C2CD2L: variants seen among roughly 807,000 people sequenced by gnomAD.
C2CD2L encodes the protein C2CD2 like.
Under a neutral mutation model 69.9 loss-of-function variants are expected in C2CD2L, and 24 were observed. The observed-to-expected ratio is 0.34, with a 90% CI of 0.25 to 0.48. The LOEUF is 0.48. C2CD2L is among the 20% of genes least tolerant of loss of function. C2CD2L has a pLI of 0.99. For synonymous variants in C2CD2L, 367 were observed against 391.0 expected (o/e 0.94, Z 0.72); for missense variants, 811 against 941.5 (o/e 0.86, Z 1.81).
At chr11:119,103,495 G>A (rs113423970), upstream of C2CD2L, among the ~76,000 whole-genome samples, 2 of 152,168 alleles carry the variant, frequency 1.3e-5, no homozygotes, top group African/African-American at 4.8e-5. Context: ...TCAGGAGTTC[G>A]AGACCAGCCT....
intron 1 of C2CD2L, among the ~76,000 whole-genome samples, chr11:119,108,954 G>A (rs938948420): frequency 6.6e-6 from 1 of 152,176 alleles, no homozygotes; most frequent in African/African-American, 2.4e-5. Context: ...AAACAGAAAT[G>A]TCCACAAGAA....
chr11:119,103,262 G>C (rs1946537944), upstream of C2CD2L, among the ~76,000 whole-genome samples: 1 of 152,212 alleles, frequency 6.6e-6, no homozygotes, highest in African/African-American at 2.4e-5. Context: ...CCATTTGTCA[G>C]AGAGGAAGTC....
At position 119,114,420 on chromosome 11, in the gene C2CD2L, A is replaced by C. The variant is rs1043163201; in HGVS notation, c.1909+55A>C. 13 of 1,549,766 alleles carry C rather than the reference A, an allele frequency of 8.4e-6. No individual in the cohort carries two copies. The Admixed American group carries it at 2.2e-4, about 26-fold the overall frequency. On this transcript the variant is annotated intron_variant, in intron 13 of 13. Transcript: ENST00000648610. The surrounding 1 kb of genome is among the most constrained non-coding windows in gnomAD (Gnocchi z 5.1). ...TCTCTTCTTTTATACACATATCATG[A>C]CCTGGGGGACCTCGAGCCAGTGTGC...
At position 119,116,379 on chromosome 11, in the gene C2CD2L, AC is replaced by A. The variant is rs1217360662; in HGVS notation, c.*126del. 3 of 775,950 alleles carry A rather than the reference AC, an allele frequency of 3.9e-6. No individual in the cohort carries two copies. The highest frequency in any genetic ancestry group is 6.2e-6 in the Non-Finnish European group (3 of 480,574). 48.1% of individuals were successfully genotyped at this position (775,950 alleles called of 1,614,324 possible). A position where few individuals can be genotyped will look rare whatever the true frequency, so the allele number is the denominator to read the frequency against. ...CTCTGGGTTCCGGGAAGCCCCGTCCACCCTGGGCCATGGGGCCGGTTGGAAG... is the reference window on the plus strand; with the variant it reads ...CTCTGGGTTCCGGGAAGCCCCGTCCACCTGGGCCATGGGGCCGGTTGGAAG... On this transcript the variant is annotated 3_prime_UTR_variant, in exon 14 of 14. Transcript: ENST00000648610.
rs747795681 is a variant in C2CD2L at position 119,110,626 on chromosome 11, C to T, written c.516C>T (p.Pro172=). The change falls in exon 3 of 14, where the codon CCC becomes CCT. Residue 172 remains proline, a synonymous_variant. Transcript: ENST00000648610. This position sits in a 1 kb window ranked among gnomAD's most constrained non-coding sequence, Gnocchi z 5.7. ...RFPVSVTQQS[P]AAVSMETYHV... ...CAGTCTCTGTGACCCAGCAGTCCCC[C>T]GCTGCCGTCTCCATGGAGACCTACC... 1.2e-4 allele frequency: 195 copies of T among 1,612,780 alleles called. No individual in the cohort carries two copies. The highest frequency in any genetic ancestry group is 6.9e-4 in the Middle Eastern group (4 of 5,810).
intron 6 of C2CD2L, 72 bp downstream of exon 6, chr11:119,111,446 A>C: frequency 6.3e-7 from 1 of 1,594,622 alleles, no homozygotes; most frequent in Non-Finnish European, 8.6e-7. Context: ...CCCTCTGCCA[A>C]GGGTACAGCC....
At position 119,110,893 on chromosome 11, in the gene C2CD2L, C is replaced by T. The variant is rs1333792707; in HGVS notation, c.617C>T (p.Ser206Phe). 10 of 1,614,164 alleles carry T rather than the reference C, an allele frequency of 6.2e-6. No homozygotes were observed. The East Asian group carries it at 2.0e-4, about 32-fold the overall frequency. Residue 206 changes from serine (S) to phenylalanine (F), a missense_variant, in exon 4 of 14, where the codon TCC becomes TTC. Ser to Phe is a radical substitution (Grantham distance 155). Coordinates refer to ENST00000648610, the MANE Select transcript of C2CD2L (RefSeq NM_001290474.2). The surrounding 1 kb of genome is among the most constrained non-coding windows in gnomAD (Gnocchi z 5.7). ...ATCCCTGGTGAGGGGCTGCTCATAT[C>T]CTGGGCCTTCACTGATCGCCCAGAT... ...EEIPGEGLLI[S>F]WAFTDRPDLS...
rs1946699298 is a variant in C2CD2L, at chr11:119,110,261, C to T, written c.450+62C>T. The T allele has an allele frequency of 3.2e-6, 4 of 1,246,972 alleles. No homozygotes were observed. In the South Asian group the frequency reaches 3.6e-5, roughly 11 times the overall value. 77.2% of individuals were successfully genotyped at this position (1,246,972 alleles called of 1,614,324 possible). ...AAGAAGGACTGACCCCAAGGGCTCC[C>T]TTTAGTCCAGAGGTTCTTAACCTGG... On this transcript the variant is annotated intron_variant, in intron 2 of 13. Transcript: ENST00000648610. This position sits in a 1 kb window ranked among gnomAD's most constrained non-coding sequence, Gnocchi z 5.7.
chr11:119,113,765 CA>C, intron 11 of C2CD2L, 53 bp downstream of exon 11: 15 of 1,612,298 alleles, frequency 9.3e-6, no homozygotes, highest in Non-Finnish European at 1.2e-5. Flanking sequence ...GCCCCAGCAT[CA>C]AAAAGTACTC....
At position 119,114,693 on chromosome 11, in the gene C2CD2L, C is replaced by T. The variant is rs1462571937; in HGVS notation, c.1909+328C>T. On this transcript the variant is annotated intron_variant, in intron 13 of 13. Coordinates refer to ENST00000648610, the MANE Select transcript of C2CD2L (RefSeq NM_001290474.2). The surrounding 1 kb of genome is among the most constrained non-coding windows in gnomAD (Gnocchi z 5.1). ...CAGGGTGTGGTGGCTCACACCGGCA[C>T]TTTGGGAGGCCAAGGCGGGTGGCTT... 3.0e-6 allele frequency: 1 copy of T among 333,356 alleles called. No homozygotes were observed. The allele number at this position is 333,356 out of a possible 1,614,324, so 20.6% of individuals were successfully genotyped here. A position where few individuals can be genotyped will look rare whatever the true frequency, so the allele number is the denominator to read the frequency against.
chr11:119,110,803 G>GTAAA lies in C2CD2L; in HGVS notation c.571-42_571-39dup. ...GAGTCCTCGAATTAGGAGTCCTTGG[G>GTAAA]TAAATGGGGCAAGTCAGCCCAGTCA... On this transcript the variant is annotated intron_variant, in intron 3 of 13. Coordinates refer to ENST00000648610, the MANE Select transcript of C2CD2L (RefSeq NM_001290474.2). The surrounding 1 kb of genome is among the most constrained non-coding windows in gnomAD (Gnocchi z 5.7). The GTAAA allele has an allele frequency of 6.2e-7, 1 of 1,609,374 alleles. No individual in the cohort carries two copies. The highest frequency in any genetic ancestry group is 8.5e-7 in the Non-Finnish European group (1 of 1,176,372).
chr11:119,104,809 G>A (rs565790031), upstream of C2CD2L, among the ~76,000 whole-genome samples: 7 of 152,312 alleles, frequency 4.6e-5, no homozygotes, highest in African/African-American at 1.4e-4. Flanking sequence ...ATGTTTCATA[G>A]TGCCACAAAG....
In C2CD2L at chr11:119,110,992, C is replaced by T. The variant is rs200723844; in HGVS notation, c.681+35C>T. ...CAGAGCTGGCAGAGAAGAGGCAGAACGGGGAGGGAGGCAGAGGTGGGGGAT... is the reference window on the plus strand; with the variant it reads ...CAGAGCTGGCAGAGAAGAGGCAGAATGGGGAGGGAGGCAGAGGTGGGGGAT... On this transcript the variant is annotated intron_variant, in intron 4 of 13. Transcript: ENST00000648610. The surrounding 1 kb of genome is among the most constrained non-coding windows in gnomAD (Gnocchi z 5.7). 1.5e-3 allele frequency: 2,356 copies of T among 1,613,586 alleles called. 2 individuals carry two copies. Among genetic ancestry groups the T allele is most frequent in the East Asian group, 3.5e-3 (156 of 44,878 alleles).
At position 119,109,447 on chromosome 11, in the gene C2CD2L, C is replaced by T. The variant is rs1592237544; in HGVS notation, c.355-657C>T. ...TCTCTAATACCGTCCTGCTATCTGC[C>T]TTGAGGAATTAGCCAGGCCCCTGGA... On this transcript the variant is annotated intron_variant, in intron 1 of 13. Transcript: ENST00000648610. The surrounding 1 kb of genome is among the most constrained non-coding windows in gnomAD (Gnocchi z 5.1). 6.6e-6 allele frequency among the ~76,000 whole-genome samples: 1 copy of T among 152,312 alleles called. No individual in the cohort carries two copies. Among genetic ancestry groups the T allele is most frequent in the East Asian group, 1.9e-4 (1 of 5,188 alleles).
Position 119,110,046 on chromosome 11 carries a change from C to A in C2CD2L, c.355-58C>A. ...AGAGTCCAGCCAGCAACTGAGCAGG[C>A]CAACCCTGTGGGGGGCAGCTCCAGA... is the stretch of plus-strand genomic sequence containing the variant. On this transcript the variant is annotated intron_variant, in intron 1 of 13. Transcript: ENST00000648610. The surrounding 1 kb of genome is among the most constrained non-coding windows in gnomAD (Gnocchi z 5.7). 7.6e-7 allele frequency: 1 copy of A among 1,309,644 alleles called. No homozygotes were observed. The highest frequency in any genetic ancestry group is 2.3e-5 in the East Asian group (1 of 43,456). The allele number at this position is 1,309,644 out of a possible 1,614,324, so 81.1% of individuals were successfully genotyped here.
rs1392168448 is a variant in C2CD2L, at chr11:119,113,594, C to A, written c.1388-17C>A. ...CTGAAGCAACTCCCAGCTCACTGAC[C>A]CTCCCCCACCCACCAGACTCCCCCT... On this transcript the variant is annotated splice_polypyrimidine_tract_variant and intron_variant, in intron 10 of 13. Coordinates refer to ENST00000648610, the MANE Select transcript of C2CD2L (RefSeq NM_001290474.2). The A allele has an allele frequency of 6.2e-7, 1 of 1,605,990 alleles. No homozygotes were observed. Among genetic ancestry groups the A allele is most frequent in the Non-Finnish European group, 8.5e-7 (1 of 1,175,730 alleles).
chr11:119,108,362 C>G (rs538742839), intron 1 of C2CD2L: 2 of 407,060 alleles, frequency 4.9e-6, no homozygotes, highest in Admixed American at 8.9e-5. Context: ...ACGCTAATCC[C>G]TGTGCCTGAG....
chr11:119,110,875 G>A lies in C2CD2L; in HGVS notation c.599G>A (p.Gly200Asp). ...GAAGTCAACCTGGAGGAAATCCCTG[G>A]TGAGGGGCTGCTCATATCCTGGGCC... The part of the protein sequence containing the change: ...QLEVNLEEIP[G>D]EGLLISWAFT... The change falls in exon 4 of 14, where the codon GGT becomes GAT. Residue 200 changes from glycine (G) to aspartate (D), a missense_variant. Transcript: ENST00000648610. This position sits in a 1 kb window ranked among gnomAD's most constrained non-coding sequence, Gnocchi z 5.7. The A allele has an allele frequency of 6.2e-7, 1 of 1,614,164 alleles. No individual in the cohort carries two copies. The highest frequency in any genetic ancestry group is 8.5e-7 in the Non-Finnish European group (1 of 1,180,002).
At position 119,107,709 on chromosome 11, in the gene C2CD2L, C is replaced by T. The variant is rs763969314; in HGVS notation, c.-33C>T. 1.4e-6 allele frequency: 2 copies of T among 1,386,100 alleles called. No individual in the cohort carries two copies. The highest frequency in any genetic ancestry group is 1.4e-5 in the South Asian group (1 of 69,012). The allele number at this position is 1,386,100 out of a possible 1,614,324, so 85.9% of individuals were successfully genotyped here. Reference sequence around the variant, plus strand: ...CTCCCCCGGGGCAGCGGGTGAGCCCCAGCCGGGACCGGGATCGGAGCCCGC... The same window carrying T: ...CTCCCCCGGGGCAGCGGGTGAGCCCTAGCCGGGACCGGGATCGGAGCCCGC... On this transcript the variant is annotated 5_prime_UTR_variant, in exon 1 of 14. Transcript: ENST00000648610. This position sits in a 1 kb window ranked among gnomAD's most constrained non-coding sequence, Gnocchi z 5.4.
Sources: gnomAD v4.1 joint callset for allele counts (sites outside exome capture counted in the v4.1 genomes callset) on GRCh38, gnomAD v4.1.1 for gene constraint, Gnocchi (gnomAD v3.1) non-coding constraint, MANE v1.5 for transcripts, NCBI Gene and HGNC (gene_info 2026-07-23, HGNC 2026-07-21) for gene names.